The following WHRN variants were observed in gnomAD, a reference collection of about 807,000 sequenced individuals.
WHRN encodes CASK-interacting protein CIP98.
WHRN carries 41 observed loss-of-function variants against 68.3 expected under a neutral mutation model. That is an observed-to-expected ratio of 0.60 (90% CI 0.47 to 0.78). The LOEUF (loss-of-function observed/expected upper bound fraction) is 0.78, where lower values mean the gene tolerates loss of function less well. Ranked by LOEUF, WHRN falls within the 30% of genes least tolerant of loss-of-function variation. The probability of loss-of-function intolerance (pLI) is 0.00; values close to 1 mark genes in which losing one functional copy is unlikely to be tolerated. For synonymous variants in WHRN, 560 were observed against 561.3 expected (o/e 1.00, Z 0.03); for missense variants, 1,243 against 1,244.7 (o/e 1.00, Z 0.02).
intron 9 of WHRN, 22 bp from the exon 10 acceptor site, chr9:114,404,099 G>A (rs369908079): frequency 6.2e-7 from 1 of 1,609,924 alleles, no homozygotes. Flanking sequence ...AAAAGGAAGA[G>A]AGAAGCAGCT....
At chr9:114,414,662 C>T (rs2132271642) in intron 7 of WHRN, among the ~76,000 whole-genome samples, 2 of 152,370 alleles carry the variant, frequency 1.3e-5, no homozygotes, top group Middle Eastern at 6.8e-3. Flanking sequence ...GCAGGTGTTC[C>T]ATAAACCGCT....
At chr9:114,456,767 T>G (rs1160915698) in intron 3 of WHRN, among the ~76,000 whole-genome samples, 1 of 150,614 alleles carries the variant, frequency 6.6e-6, no homozygotes. Context: ...AGGTGGAGGT[T>G]GCAGCGAGCC....
intron 3 of WHRN, among the ~76,000 whole-genome samples, chr9:114,436,516 C>T (rs1837864885): frequency 6.6e-6 from 1 of 152,028 alleles, no homozygotes; most frequent in Admixed American, 6.6e-5. Context: ...TTTCTGTAAA[C>T]CTAAAGCTGC....
chr9:114,460,011 C>CAGGA (rs1840114656), intron 3 of WHRN, among the ~76,000 whole-genome samples: 3 of 152,166 alleles, frequency 2.0e-5, no homozygotes, highest in African/African-American at 4.8e-5. Context: ...TCCAAGGAGC[C>CAGGA]TCAGCCAGGA....
chr9:114,467,489 C>T (rs943202061), intron 2 of WHRN, among the ~76,000 whole-genome samples: 4 of 150,012 alleles, frequency 2.7e-5, no homozygotes, highest in Non-Finnish European at 5.9e-5. Context: ...TCTGATGAGA[C>T]GGGAGGGTGA....
At chr9:114,464,534 C>T (rs1310064534) in intron 3 of WHRN, among the ~76,000 whole-genome samples, 2 of 152,172 alleles carry the variant, frequency 1.3e-5, no homozygotes, top group East Asian at 3.9e-4. Flanking sequence ...TGGGGCTCCA[C>T]CCTCATGACC....
intron 3 of WHRN, among the ~76,000 whole-genome samples, chr9:114,453,436 C>T (rs1313722335): frequency 1.3e-5 from 2 of 152,154 alleles, no homozygotes; most frequent in Non-Finnish European, 2.9e-5. Context: ...GACAAATATC[C>T]AAACTACATC....
At chr9:114,427,389 C>G (rs909865426) in intron 3 of WHRN, among the ~76,000 whole-genome samples, 2 of 152,118 alleles carry the variant, frequency 1.3e-5, no homozygotes, top group Non-Finnish European at 2.9e-5. Context: ...ATGATGGGAC[C>G]GCACCTTTAA....
intron 7 of WHRN, among the ~76,000 whole-genome samples, chr9:114,412,785 C>T (rs1184880718): frequency 6.6e-6 from 1 of 152,186 alleles, no homozygotes; most frequent in African/African-American, 2.4e-5. Context: ...GAGGGGCAAC[C>T]TTTGCGGGGT....
intron 3 of WHRN, among the ~76,000 whole-genome samples, chr9:114,446,031 A>G: frequency 6.6e-6 from 1 of 152,204 alleles, no homozygotes. Context: ...ATGCAAAGCA[A>G]GCTATATGAT....
chr9:114,452,285 A>G (rs1839406338), intron 3 of WHRN, among the ~76,000 whole-genome samples: 2 of 152,218 alleles, frequency 1.3e-5, no homozygotes. Flanking sequence ...CAGAGTGTGC[A>G]GAAACATCGG....
rs563105793 is a variant in WHRN at position 114,425,035 on chromosome 9, A to G, written c.1167-11T>C. 1.2e-6 allele frequency: 2 copies of G among 1,614,148 alleles called. No homozygotes were observed. The highest frequency in any genetic ancestry group is 2.2e-5 in the South Asian group (2 of 91,092). ...AGATCGCCAAGAAACCTGTGGGGAA[A>G]GACACACATCTCCAGTTGTGCATTT... On this transcript the variant is annotated splice_polypyrimidine_tract_variant and intron_variant, in intron 4 of 11. Coordinates refer to ENST00000362057, the MANE Select transcript of WHRN (RefSeq NM_015404.4).
In WHRN at chr9:114,473,141, A is replaced by G. The variant is rs533240568; in HGVS notation, c.837+5412T>C. The stretch of plus-strand genomic sequence containing the variant: ...AGCAGGGTCTAACTGCTCACTGCAG[A>G]GTAAGGGGCCGTGGGACAGGGACAC... On this transcript the variant is annotated intron_variant, in intron 2 of 11. Coordinates refer to ENST00000362057, the MANE Select transcript of WHRN (RefSeq NM_015404.4). Among the ~76,000 whole-genome samples the G allele has an allele frequency of 3.9e-5, 6 of 152,322 alleles. No homozygotes were observed. The South Asian group carries it at 1.2e-3, about 32-fold the overall frequency.
chr9:114,406,273 C>G (rs891491811), intron 9 of WHRN, 82 bp downstream of exon 9: 7 of 1,590,706 alleles, frequency 4.4e-6, no homozygotes, highest in African/African-American at 1.3e-5. Context: ...CTGGTCCCCC[C>G]CTTCACTGTG....
chr9:114,403,218 T>C lies in WHRN; in HGVS notation c.2540A>G (p.Gln847Arg), dbSNP rs545326842. The C allele has an allele frequency of 2.2e-5, 35 of 1,614,158 alleles. No individual in the cohort carries two copies. In the East Asian group the frequency reaches 7.4e-4, roughly 34 times the overall value. The change falls in exon 11 of 12, where the codon CAG becomes CGG. Residue 847 changes from glutamine (Q) to arginine (R), a missense_variant and splice_region_variant. Gln to Arg is a conservative substitution (Grantham distance 43). Transcript: ENST00000362057. ...RQPLPRIVTI[Q>R]RGGSAHNCGQ... ...CAAGTGGGGCCCCTGGGGACATACC[T>C]GAATAGTGACAATCCTAGGCAGGGG...
intron 3 of WHRN, among the ~76,000 whole-genome samples, chr9:114,431,453 T>G (rs1837415182): frequency 6.6e-6 from 1 of 152,212 alleles, no homozygotes; most frequent in Non-Finnish European, 1.5e-5. Flanking sequence ...CCTTTGAGCC[T>G]AATCTTCTCA....
At chr9:114,474,221 TA>T (rs1163369590) in intron 2 of WHRN, among the ~76,000 whole-genome samples, 1 of 152,210 alleles carries the variant, frequency 6.6e-6, no homozygotes, top group East Asian at 1.9e-4. Context: ...TCACCTTAAC[TA>T]AAACAAGAAA....
chr9:114,456,060 A>G (rs1589172693), intron 3 of WHRN, among the ~76,000 whole-genome samples: 1 of 151,976 alleles, frequency 6.6e-6, no homozygotes, highest in Non-Finnish European at 1.5e-5. Flanking sequence ...TATTGAATGC[A>G]TGAAGTTGAA....
chr9:114,475,306 G>T (rs79229785), intron 2 of WHRN, among the ~76,000 whole-genome samples: 3 of 152,016 alleles, frequency 2.0e-5, no homozygotes, highest in African/African-American at 7.3e-5. Flanking sequence ...TAGAGGCTGC[G>T]GGTTAGAACA....
Sources: gnomAD v4.1 joint callset for allele counts (sites outside exome capture counted in the v4.1 genomes callset) on GRCh38, gnomAD v4.1.1 for gene constraint, MANE v1.5 for transcripts, NCBI Gene and HGNC (gene_info 2026-07-23, HGNC 2026-07-21) for gene names.